DMD: variants seen among roughly 807,000 people sequenced by gnomAD.
DMD encodes the protein dystrophin.
Under a neutral mutation model 330.1 loss-of-function variants are expected in DMD, and 63 were observed. That is an observed-to-expected ratio of 0.19 (90% confidence interval 0.16 to 0.24). DMD has a LOEUF of 0.24. Among genes scored for constraint, DMD ranks in the 10% least tolerant of loss-of-function variants. The pLI is 1.00. For synonymous variants in DMD, 1,223 were observed against 959.8 expected (o/e 1.27, Z -5.07); for missense variants, 3,344 against 2,684.1 (o/e 1.25, Z -5.43).
At position 33,244,532 on chromosome X, in the gene DMD, C is replaced by T. The variant is rs772141489; in HGVS notation, c.7+94727G>A. On this transcript the variant is annotated intron_variant, in intron 1 of 17. Coordinates refer to the DMD transcript ENST00000288447. The stretch of plus-strand genomic sequence containing the variant: ...GAGTTCAACTCAAGCTATTTCTACT[C>T]TGAGTTTGCAAGTTTAGTTATTTGA... Among the ~76,000 whole-genome samples the T allele has an allele frequency of 5.4e-5, 6 of 111,751 alleles. No homozygotes were observed. In the East Asian group the frequency reaches 1.4e-3, roughly 26 times the overall value.
chrX:33,221,587 T>C (rs1207647927), intron 1 of DMD, among the ~76,000 whole-genome samples: 1 of 110,894 alleles, frequency 9.0e-6, no homozygotes, highest in Non-Finnish European at 1.9e-5. Context: ...CAAAGAGCTA[T>C]TTTTTCAAAA....
Position 33,285,960 on chromosome X carries a change from T to G in DMD, c.7+53299A>C, listed in dbSNP as rs139968431. On this transcript the variant is annotated intron_variant, in intron 1 of 17. Coordinates refer to the DMD transcript ENST00000288447. The stretch of plus-strand genomic sequence containing the variant: ...TGTTTCTTGCAAGAAAGAAAGACAT[T>G]ATTGATATTTACAAGATGACTTAAA... 5.9e-3 allele frequency among the ~76,000 whole-genome samples: 662 copies of G among 112,137 alleles called. 9 individuals are homozygous for G. The highest frequency in any genetic ancestry group is 0.02 in the African/African-American group (627 of 30,921).
At position 32,752,203 on chromosome X, in the gene DMD, G is replaced by A. The variant is rs187607575; in HGVS notation, c.650-52910C>T. ...CCACTGGCAGCTTGCAACACACACC[G>A]AGGAAAGCCACAATCAATGCCAGCT... On this transcript the variant is annotated intron_variant, in intron 7 of 78. Transcript: ENST00000357033. Among the ~76,000 whole-genome samples, 29 of 111,478 alleles carry A rather than the reference G, an allele frequency of 2.6e-4. No homozygotes were observed. In the East Asian group the frequency reaches 4.9e-3, roughly 19 times the overall value.
chrX:33,282,181 A>G (rs1279985385), intron 1 of DMD, among the ~76,000 whole-genome samples: 1 of 110,989 alleles, frequency 9.0e-6, no homozygotes, highest in Admixed American at 9.6e-5. Context: ...TGCTTTCTGA[A>G]CCAGGTCACT....
At chrX:32,795,364 TA>T (rs1462904673) in intron 7 of DMD, among the ~76,000 whole-genome samples, 7 of 111,808 alleles carry the variant, frequency 6.3e-5, no homozygotes, top group African/African-American at 2.3e-4. Flanking sequence ...GAACATGCAT[TA>T]GGGGGAAGGA....
chrX:33,112,018 A>G (rs1346849706), intron 1 of DMD, among the ~76,000 whole-genome samples: 1 of 110,919 alleles, frequency 9.0e-6, no homozygotes, highest in African/African-American at 3.3e-5. Flanking sequence ...TACAAATAAT[A>G]TATATTACAT....
At position 32,274,138 on chromosome X, in the gene DMD, A is replaced by G. The variant is rs376675614; in HGVS notation, c.6290+13391T>C. Among the ~76,000 whole-genome samples the G allele has an allele frequency of 5.6e-4, 63 of 111,864 alleles. No homozygotes were observed. In the East Asian group the frequency reaches 0.017, roughly 30 times the overall value. On this transcript the variant is annotated intron_variant, in intron 43 of 78. Coordinates refer to ENST00000357033, the MANE Select transcript of DMD (RefSeq NM_004006.3). ...CTCCAAAATGAGGCTAGTCCTATGGACACAAAATTTCTTTCTGTATTAGAG... is the reference window on the plus strand; with the variant it reads ...CTCCAAAATGAGGCTAGTCCTATGGGCACAAAATTTCTTTCTGTATTAGAG...
chrX:32,748,045 T>A (rs913062884), intron 7 of DMD, among the ~76,000 whole-genome samples: 11 of 111,171 alleles, frequency 9.9e-5, no homozygotes. Flanking sequence ...CCTTTTATCC[T>A]TAAAGAAAAA....
chrX:32,004,856 T>G (rs140616045), intron 44 of DMD, among the ~76,000 whole-genome samples: 22 of 111,657 alleles, frequency 2.0e-4, no homozygotes, highest in African/African-American at 6.5e-4. Flanking sequence ...AAAAATTAAA[T>G]TGGTTCTTGC....
chrX:31,388,002 G>A (rs938739089), intron 60 of DMD, among the ~76,000 whole-genome samples: 5 of 106,711 alleles, frequency 4.7e-5, no homozygotes, highest in African/African-American at 1.0e-4. Flanking sequence ...TTTGTTTTTC[G>A]GTTTTTTTTT....
intron 29 of DMD, among the ~76,000 whole-genome samples, chrX:32,417,614 A>G (rs1377834096): frequency 9.0e-6 from 1 of 111,662 alleles, no homozygotes; most frequent in Non-Finnish European, 1.9e-5. Flanking sequence ...CAATAGGTCA[A>G]GTGAACGTGG....
chrX:33,128,660 A>G (rs1435302753), intron 1 of DMD, among the ~76,000 whole-genome samples: 3 of 111,962 alleles, frequency 2.7e-5, no homozygotes, highest in Non-Finnish European at 5.6e-5. Flanking sequence ...TCGACAGTGC[A>G]CTCATTTATG....
At chrX:32,405,795 A>C (rs781249581) in intron 30 of DMD, among the ~76,000 whole-genome samples, 6 of 111,805 alleles carry the variant, frequency 5.4e-5, no homozygotes, top group African/African-American at 1.6e-4. Flanking sequence ...GAAGAAAGGC[A>C]TTGGTAGCTT....
At chrX:32,072,157 G>T (rs1387265933) in intron 44 of DMD, among the ~76,000 whole-genome samples, 1 of 111,142 alleles carries the variant, frequency 9.0e-6, no homozygotes, top group Non-Finnish European at 1.9e-5. Context: ...TTTGATTTTT[G>T]TAAAGAACTC....
At chrX:32,757,523 A>C (rs1445750013) in intron 7 of DMD, among the ~76,000 whole-genome samples, 3 of 111,127 alleles carry the variant, frequency 2.7e-5, no homozygotes, top group African/African-American at 6.6e-5. Flanking sequence ...GGGACCTGGT[A>C]GGAGGTAACT....
rs534933550 is a variant in DMD, at chrX:31,747,931, C to G, written c.7543-18183G>C. Among the ~76,000 whole-genome samples the G allele has an allele frequency of 5.3e-5, 6 of 112,150 alleles. No individual in the cohort carries two copies. In the South Asian group the frequency reaches 2.2e-3, roughly 42 times the overall value. ...GCAGAAAGGCTGCAGTACCATTTCT[C>G]TAGTGATTCCTTTTTCTGTGTTTTA... On this transcript the variant is annotated intron_variant, in intron 51 of 78. Coordinates refer to ENST00000357033, the MANE Select transcript of DMD (RefSeq NM_004006.3).
chrX:32,538,395 G>A (rs192336714), intron 17 of DMD, among the ~76,000 whole-genome samples: 88 of 108,901 alleles, frequency 8.1e-4, no homozygotes, highest in African/African-American at 2.6e-3. Flanking sequence ...TGTGACCCCC[G>A]CCCCTGCCCA....
intron 77 of DMD, among the ~76,000 whole-genome samples, chrX:31,128,161 G>GT (rs1194006720): frequency 2.7e-5 from 3 of 111,164 alleles, no homozygotes; most frequent in East Asian, 5.6e-4. Flanking sequence ...CTTTAGCAAG[G>GT]TTTTTTTAAA....
At position 33,085,453 on chromosome X, in the gene DMD, T is replaced by C. The variant is rs147458294; in HGVS notation, c.32-65253A>G. 5.9e-3 allele frequency among the ~76,000 whole-genome samples: 664 copies of C among 111,964 alleles called. 5 individuals carry two copies. The highest frequency in any genetic ancestry group is 0.021 in the African/African-American group (634 of 30,880). On this transcript the variant is annotated intron_variant, in intron 1 of 78. Coordinates refer to ENST00000357033, the MANE Select transcript of DMD (RefSeq NM_004006.3). ...AACAAGCTTCAGCCACTGTTCTCTA[T>C]AAAATATGGTGTCTTCTAGATGGGA... is the stretch of plus-strand genomic sequence containing the variant.
Sources: gnomAD v4.1 joint callset for allele counts (sites outside exome capture counted in the v4.1 genomes callset) on GRCh38, gnomAD v4.1.1 for gene constraint, MANE v1.5 for transcripts, NCBI Gene and HGNC (gene_info 2026-07-23, HGNC 2026-07-21) for gene names.